Variants in KCNQ5 observed in about 807,000 individuals in gnomAD.
The protein encoded by KCNQ5 is potassium voltage-gated channel subfamily Q member 5.
A neutral mutation model predicts 98.2 loss-of-function variants in KCNQ5; 30 were observed. The observed-to-expected ratio is 0.31, with a 90% CI of 0.23 to 0.41. The LOEUF is 0.41. Among genes scored for constraint, KCNQ5 ranks in the 10% least tolerant of loss-of-function variants. The probability of loss-of-function intolerance (pLI) is 1.00; values close to 1 mark genes in which losing one functional copy is unlikely to be tolerated. For synonymous variants in KCNQ5, 458 were observed against 449.4 expected, an observed-to-expected ratio of 1.02 and a Z score of -0.24; for missense variants, 835 against 1,182.5, an observed-to-expected ratio of 0.71 and a Z score of 4.31.
intron 2 of KCNQ5, among the ~76,000 whole-genome samples, chr6:73,011,384 G>A (rs1050415262): frequency 1.3e-5 from 2 of 152,028 alleles, no homozygotes; most frequent in African/African-American, 2.4e-5. Context: ...AGTGGGGAAA[G>A]GGCAGTCTTT....
chr6:72,980,843 G>A (rs7753310), intron 1 of KCNQ5, among the ~76,000 whole-genome samples: 8,372 of 152,178 alleles, frequency 0.055, 790 homozygotes, highest in African/African-American at 0.19. Context: ...TTTGAGATAC[G>A]TTCCATCAAT....
chr6:72,705,255 TTAGAA>T (rs1333481400), intron 1 of KCNQ5, among the ~76,000 whole-genome samples: 1 of 152,198 alleles, frequency 6.6e-6, no homozygotes, highest in African/African-American at 2.4e-5. Context: ...TCCTGGATCA[TTAGAA>T]TTCACTGCGT....
intron 5 of KCNQ5, among the ~76,000 whole-genome samples, chr6:73,096,157 G>T (rs1332598667): frequency 6.6e-6 from 1 of 152,072 alleles, no homozygotes; most frequent in Non-Finnish European, 1.5e-5. Context: ...TCAAGGACAG[G>T]AGGCATCCCG....
At chr6:73,096,463 C>T (rs1029950918) in intron 5 of KCNQ5, among the ~76,000 whole-genome samples, 8 of 151,772 alleles carry the variant, frequency 5.3e-5, no homozygotes, top group Non-Finnish European at 1.2e-4. Flanking sequence ...CATGAAGAAC[C>T]CTGCAGGCCA....
At chr6:72,929,844 G>T (rs1211660832) in intron 1 of KCNQ5, among the ~76,000 whole-genome samples, 1 of 152,114 alleles carries the variant, frequency 6.6e-6, no homozygotes, top group Non-Finnish European at 1.5e-5. Flanking sequence ...CCATTAGGTA[G>T]ATATTTGTTA....
Position 72,734,829 on chromosome 6 carries a change from A to G in KCNQ5, c.398+112242A>G, listed in dbSNP as rs545887090. 3.3e-5 allele frequency among the ~76,000 whole-genome samples: 5 copies of G among 152,320 alleles called. No individual in the cohort carries two copies. In the South Asian group the frequency reaches 1.0e-3, roughly 32 times the overall value. The stretch of plus-strand genomic sequence containing the variant: ...GTTTAGGCCCTGTAGTAACAGAATA[A>G]CTTCTTCAGAGATCAATTTTCTCAG... On this transcript the variant is annotated intron_variant, in intron 1 of 13. Transcript: ENST00000370398.
intron 2 of KCNQ5, among the ~76,000 whole-genome samples, chr6:73,030,023 G>C (rs1199527389): frequency 6.6e-6 from 1 of 151,566 alleles, no homozygotes; most frequent in African/African-American, 2.4e-5. Context: ...AATCATGACA[G>C]ATTTCATGAA....
At chr6:73,143,212 T>C (rs574228075) in intron 10 of KCNQ5, among the ~76,000 whole-genome samples, 1 of 152,318 alleles carries the variant, frequency 6.6e-6, no homozygotes, top group African/African-American at 2.4e-5. Flanking sequence ...TGATCAACAG[T>C]CAGGAATTTC....
intron 5 of KCNQ5, among the ~76,000 whole-genome samples, chr6:73,099,899 A>G (rs539052240): frequency 1.3e-5 from 2 of 152,316 alleles, no homozygotes; most frequent in South Asian, 2.1e-4. Context: ...TCCTAAACAC[A>G]TGGATTATTC....
chr6:72,791,012 T>C (rs1774007622), intron 1 of KCNQ5, among the ~76,000 whole-genome samples: 1 of 152,138 alleles, frequency 6.6e-6, no homozygotes, highest in South Asian at 2.1e-4. Context: ...AAACAGTCAA[T>C]AAGTCAATAA....
At chr6:72,733,131 G>T (rs1446216792) in intron 1 of KCNQ5, among the ~76,000 whole-genome samples, 1 of 152,166 alleles carries the variant, frequency 6.6e-6, no homozygotes, top group African/African-American at 2.4e-5. Flanking sequence ...GAAGAAATAA[G>T]TTTAAGGGTA....
chr6:73,030,610 G>T (rs1385223321), intron 2 of KCNQ5, among the ~76,000 whole-genome samples: 5 of 152,204 alleles, frequency 3.3e-5, no homozygotes, highest in Admixed American at 6.5e-5. Flanking sequence ...GAGGAGGAAG[G>T]CAAGACTAGG....
chr6:72,910,457 A>G (rs1779881847), intron 1 of KCNQ5, among the ~76,000 whole-genome samples: 1 of 152,042 alleles, frequency 6.6e-6, no homozygotes, highest in African/African-American at 2.4e-5. Context: ...CCTATGGACC[A>G]TTCTCTTACC....
At chr6:72,757,908 A>G (rs1772051655) in intron 1 of KCNQ5, among the ~76,000 whole-genome samples, 3 of 152,128 alleles carry the variant, frequency 2.0e-5, no homozygotes, top group African/African-American at 7.2e-5. Flanking sequence ...TGAGTTTAGT[A>G]TTTGAGTCAG....
intron 1 of KCNQ5, among the ~76,000 whole-genome samples, chr6:72,918,649 A>G (rs1780267122): frequency 6.6e-6 from 1 of 152,236 alleles, no homozygotes; most frequent in South Asian, 2.1e-4. Flanking sequence ...TTTCCCCTCC[A>G]GAAAATCAAG....
intron 8 of KCNQ5, among the ~76,000 whole-genome samples, chr6:73,123,768 T>G (rs1775838568): frequency 6.6e-6 from 1 of 152,156 alleles, no homozygotes; most frequent in Admixed American, 6.6e-5. Context: ...AAAAACACCT[T>G]GTGGTACCTT....
At chr6:72,849,516 T>C (rs961112635) in intron 1 of KCNQ5, among the ~76,000 whole-genome samples, 67 of 152,204 alleles carry the variant, frequency 4.4e-4, no homozygotes, top group African/African-American at 1.5e-3. Context: ...TGTTTTTAAA[T>C]AGGTTTGAGA....
rs561779622 is a variant in KCNQ5, at chr6:73,156,621, T to C, written c.1469-13125T>C. Among the ~76,000 whole-genome samples the C allele has an allele frequency of 3.7e-4, 44 of 120,228 alleles. 1 individual carries two copies. The South Asian group carries it at 0.011, about 30-fold the overall frequency. 78.9% of individuals were successfully genotyped at this position (120,228 alleles called of 152,430 possible). On this transcript the variant is annotated intron_variant, in intron 10 of 13. Transcript: ENST00000370398. ...GCTGGGCAACAGAATGAGACTCCAT[T>C]CAAAAAAAACGAAAACAAAAACAAA...
intron 1 of KCNQ5, among the ~76,000 whole-genome samples, chr6:72,872,951 TCTA>T (rs1778272228): frequency 6.6e-6 from 1 of 152,096 alleles, no homozygotes; most frequent in South Asian, 2.1e-4. Flanking sequence ...AGATAGCTCT[TCTA>T]CTAAAAATCA....
Sources: gnomAD v4.1 joint callset for allele counts (sites outside exome capture counted in the v4.1 genomes callset) on GRCh38, gnomAD v4.1.1 for gene constraint, MANE v1.5 for transcripts, NCBI Gene and HGNC (gene_info 2026-07-23, HGNC 2026-07-21) for gene names.